Variants in FYN observed in about 807,000 individuals in gnomAD.
FYN encodes FYN proto-oncogene, Src family tyrosine kinase, also known as tyrosine-protein kinase Fyn.
Under a neutral mutation model 70.2 loss-of-function variants are expected in FYN, and 10 were observed. That is an observed-to-expected ratio of 0.14 (90% CI 0.09 to 0.24). The LOEUF (loss-of-function observed/expected upper bound fraction) is 0.24, where lower values mean the gene tolerates loss of function less well. Ranked by LOEUF, FYN falls within the 10% of genes least tolerant of loss-of-function variation. FYN has a pLI of 1.00. For synonymous variants in FYN, 236 were observed against 248.6 expected (o/e 0.95, Z 0.48); for missense variants, 319 against 673.1 (o/e 0.47, Z 5.82).
chr6:111,849,963 C>T (rs537060230), intron 1 of FYN, among the ~76,000 whole-genome samples: 1 of 152,314 alleles, frequency 6.6e-6, no homozygotes, highest in Admixed American at 6.5e-5. Context: ...TGGGACTACA[C>T]CAAGCATGGT....
chr6:111,865,544 T>A (rs966044379), intron 1 of FYN, among the ~76,000 whole-genome samples: 3 of 152,232 alleles, frequency 2.0e-5, no homozygotes, highest in Non-Finnish European at 4.4e-5. Context: ...TCCTAAGTTG[T>A]CTATATTGCA....
intron 5 of FYN, among the ~76,000 whole-genome samples, chr6:111,712,845 C>T (rs1800450117): frequency 6.6e-6 from 1 of 152,190 alleles, no homozygotes; most frequent in Non-Finnish European, 1.5e-5. Flanking sequence ...GAAAATTCAG[C>T]AAACTGTATA....
chr6:111,784,737 C>T (rs1233838806), intron 2 of FYN, among the ~76,000 whole-genome samples: 2 of 152,084 alleles, frequency 1.3e-5, no homozygotes, highest in Admixed American at 6.5e-5. Context: ...TGAGGCTCTC[C>T]AAATCTGTTT....
chr6:111,791,378 G>T (rs903010521), intron 2 of FYN, among the ~76,000 whole-genome samples: 1 of 152,208 alleles, frequency 6.6e-6, no homozygotes, highest in Non-Finnish European at 1.5e-5. Flanking sequence ...GGGTAGTATA[G>T]ATTGAACCGT....
At chr6:111,698,807 G>A (rs9400493) in intron 9 of FYN, among the ~76,000 whole-genome samples, 17,972 of 152,124 alleles carry the variant, frequency 0.12, 2,079 homozygotes, top group African/African-American at 0.29. Context: ...CATTCCAGCC[G>A]GGCGTGGTGG....
chr6:111,747,867 A>C (rs1473029766), intron 3 of FYN, among the ~76,000 whole-genome samples: 1 of 152,244 alleles, frequency 6.6e-6, no homozygotes, highest in Non-Finnish European at 1.5e-5. Context: ...TTCATGCTTC[A>C]TTCTTACGAA....
At chr6:111,741,728 G>C (rs1300347755) in intron 3 of FYN, among the ~76,000 whole-genome samples, 1 of 152,184 alleles carries the variant, frequency 6.6e-6, no homozygotes, top group Non-Finnish European at 1.5e-5. Flanking sequence ...AACTAGTCCA[G>C]TGTATTTTTC....
intron 2 of FYN, among the ~76,000 whole-genome samples, chr6:111,821,330 C>T (rs1772654326): frequency 6.6e-6 from 1 of 152,094 alleles, no homozygotes; most frequent in African/African-American, 2.4e-5. Context: ...AATAATACCA[C>T]ACATCTACAA....
chr6:111,714,639 C>A, intron 4 of FYN, 196 bp from the exon 5 acceptor site: 1 of 575,242 alleles, frequency 1.7e-6, no homozygotes, highest in Non-Finnish European at 3.1e-6. Flanking sequence ...GTAGGGGAAG[C>A]CTTACTGTAT....
rs142448026 is a variant in FYN at position 111,674,527 on chromosome 6, C to A, written c.1377G>T (p.Leu459=). 1.2e-6 allele frequency: 2 copies of A among 1,613,742 alleles called. No individual in the cohort carries two copies. The highest frequency in any genetic ancestry group is 2.2e-5 in the East Asian group (1 of 44,876). ...VWSFGILLTE[L]VTKGRVPYPG... Reference sequence around the variant, plus strand: ...GGTATGGCACTCTTCCTTTGGTGACCAGCTCTGTGAGTAAGATTCCAAAAG... The same window carrying A: ...GGTATGGCACTCTTCCTTTGGTGACAAGCTCTGTGAGTAAGATTCCAAAAG... The change falls in exon 13 of 14, where the codon CTG becomes CTT. Residue 459 remains leucine (L), a synonymous_variant. Transcript: ENST00000354650.
At chr6:111,865,597 T>C (rs564971569) in intron 1 of FYN, among the ~76,000 whole-genome samples, 64 of 152,358 alleles carry the variant, frequency 4.2e-4, no homozygotes, top group African/African-American at 1.5e-3. Context: ...AGGCTTCTCA[T>C]GTGTTTTAGT....
intron 2 of FYN, among the ~76,000 whole-genome samples, chr6:111,805,552 G>T (rs1022650): frequency 0.1 from 15,230 of 152,080 alleles, 1,130 homozygotes; most frequent in African/African-American, 0.21. Context: ...GGTCCATGTG[G>T]TTCAGGTTCC....
At chr6:111,707,378 C>T (rs1231301048) in intron 6 of FYN, among the ~76,000 whole-genome samples, 3 of 152,226 alleles carry the variant, frequency 2.0e-5, no homozygotes, top group Non-Finnish European at 4.4e-5. Flanking sequence ...CTGTTTACTA[C>T]CAAAGAAGCC....
At chr6:111,821,832 C>A (rs1772673892) in intron 2 of FYN, among the ~76,000 whole-genome samples, 1 of 152,174 alleles carries the variant, frequency 6.6e-6, no homozygotes, top group Admixed American at 6.5e-5. Context: ...TATGAACAGA[C>A]ACTTCTCAAA....
At chr6:111,791,961 C>A (rs79146335) in intron 2 of FYN, among the ~76,000 whole-genome samples, 89 of 152,298 alleles carry the variant, frequency 5.8e-4, no homozygotes, top group African/African-American at 2.1e-3. Flanking sequence ...AGAACACCTT[C>A]ATACCTTGTA....
intron 3 of FYN, among the ~76,000 whole-genome samples, chr6:111,726,829 T>A (rs1187946783): frequency 6.6e-6 from 1 of 152,232 alleles, no homozygotes; most frequent in Non-Finnish European, 1.5e-5. Context: ...TCCCTCATGC[T>A]GTTCTCGTGA....
intron 12 of FYN, among the ~76,000 whole-genome samples, chr6:111,692,326 G>T (rs931923724): frequency 6.6e-6 from 1 of 152,216 alleles, no homozygotes. Flanking sequence ...CTGGGGACAT[G>T]ATGGTGCAGC....
At chr6:111,830,851 G>A (rs928824790) in intron 2 of FYN, among the ~76,000 whole-genome samples, 2 of 152,112 alleles carry the variant, frequency 1.3e-5, no homozygotes, top group African/African-American at 2.4e-5. Flanking sequence ...TTGGTAAAAT[G>A]AAGATATTGA....
intron 2 of FYN, among the ~76,000 whole-genome samples, chr6:111,788,697 C>A (rs551688392): frequency 2.0e-5 from 3 of 152,322 alleles, no homozygotes; most frequent in Non-Finnish European, 2.9e-5. Context: ...CAAGCCCAAA[C>A]TTGATTGTCT....
Sources: gnomAD v4.1 joint callset for allele counts (sites outside exome capture counted in the v4.1 genomes callset) on GRCh38, gnomAD v4.1.1 for gene constraint, MANE v1.5 for transcripts, NCBI Gene and HGNC (gene_info 2026-07-23, HGNC 2026-07-21) for gene names.